CAPZB: variants seen among roughly 807,000 people sequenced by gnomAD.
The protein encoded by CAPZB is capping actin protein of muscle Z-line subunit beta, also known as F-actin-capping protein subunit beta.
CAPZB carries 2 observed loss-of-function variants against 38.1 expected under a neutral mutation model. The observed-to-expected ratio is 0.05, with a 90% CI of 0.02 to 0.17. The LOEUF (loss-of-function observed/expected upper bound fraction) is 0.17. CAPZB is among the 10% of genes least tolerant of loss of function. The pLI, the probability that CAPZB is intolerant of heterozygous loss-of-function variation, is 1.00. For missense variants in CAPZB, 161 were observed against 334.2 expected (o/e 0.48, Z 4.04); for synonymous variants, 107 against 127.4 (o/e 0.84, Z 1.08).
intron 6 of CAPZB, among the ~76,000 whole-genome samples, chr1:19,345,805 G>C (rs1361488219): frequency 1.3e-5 from 2 of 152,268 alleles, no homozygotes; most frequent in Non-Finnish European, 2.9e-5. Context: ...GCTCACCCTA[G>C]TCATGCAGGT....
intron 1 of CAPZB, among the ~76,000 whole-genome samples, chr1:19,421,473 G>A (rs1314478271): frequency 6.6e-6 from 1 of 152,216 alleles, no homozygotes; most frequent in African/African-American, 2.4e-5. Flanking sequence ...ACAACGAACT[G>A]GCTCCCCTGC....
rs758378009 is a variant in CAPZB at position 19,356,786 on chromosome 1, G to C, written c.472-35C>G. On this transcript the variant is annotated intron_variant, in intron 5 of 8. Transcript: ENST00000264202. The surrounding 1 kb of genome is among the most constrained non-coding windows in gnomAD (Gnocchi z 4.3). Reference sequence around the variant, plus strand: ...CAAGACAGAGATCTGTTGAGCTGAGGGAGAGCCTGAAGTGGCCCCTGGAAT... The same window carrying C: ...CAAGACAGAGATCTGTTGAGCTGAGCGAGAGCCTGAAGTGGCCCCTGGAAT... 2.0e-6 allele frequency: 3 copies of C among 1,485,052 alleles called. No homozygotes were observed. The highest frequency in any genetic ancestry group is 1.7e-5 in the Admixed American group (1 of 59,372). 92.0% of individuals were successfully genotyped at this position (1,485,052 alleles called of 1,614,324 possible).
chr1:19,347,375 G>T (rs2093967632), intron 6 of CAPZB, among the ~76,000 whole-genome samples: 1 of 152,116 alleles, frequency 6.6e-6, no homozygotes, highest in Non-Finnish European at 1.5e-5. Context: ...CTTAAATAGG[G>T]TCGCATCCTT....
intron 1 of CAPZB, among the ~76,000 whole-genome samples, chr1:19,434,890 G>A (rs1214104727): frequency 6.6e-6 from 1 of 151,804 alleles, no homozygotes; most frequent in East Asian, 1.9e-4. Context: ...CTGCACTCCA[G>A]CCTGGGGGAC....
chr1:19,372,524 G>A (rs1237712541), intron 4 of CAPZB, among the ~76,000 whole-genome samples: 4 of 152,334 alleles, frequency 2.6e-5, no homozygotes, highest in African/African-American at 9.6e-5. Flanking sequence ...TAATCTTGGG[G>A]TTCATGGCAG....
At chr1:19,443,073 C>G (rs2094483726) in intron 1 of CAPZB, among the ~76,000 whole-genome samples, 1 of 152,072 alleles carries the variant, frequency 6.6e-6, no homozygotes, top group Non-Finnish European at 1.5e-5. Flanking sequence ...ACCTTTCTTA[C>G]TTTTATAACA....
chr1:19,480,470 G>A (rs1165336376), intron 1 of CAPZB, among the ~76,000 whole-genome samples: 1 of 152,198 alleles, frequency 6.6e-6, no homozygotes, highest in Non-Finnish European at 1.5e-5. Flanking sequence ...CTGTGGAGCA[G>A]GCAGCCGCCT....
intron 1 of CAPZB, among the ~76,000 whole-genome samples, chr1:19,435,464 T>C (rs1281103067): frequency 7.2e-5 from 11 of 152,190 alleles, no homozygotes; most frequent in Non-Finnish European, 7.3e-5. Flanking sequence ...CACCACCACC[T>C]AAAGCAGGCT....
intron 1 of CAPZB, among the ~76,000 whole-genome samples, chr1:19,446,654 C>A (rs1297672595): frequency 6.6e-6 from 1 of 152,106 alleles, no homozygotes; most frequent in Non-Finnish European, 1.5e-5. Flanking sequence ...TCTCCCCCAA[C>A]AACAGGGAAG....
intron 1 of CAPZB, among the ~76,000 whole-genome samples, chr1:19,431,180 T>C (rs1312889223): frequency 1.3e-5 from 2 of 152,064 alleles, no homozygotes; most frequent in East Asian, 1.9e-4. Context: ...CTTATACAGG[T>C]TGAACAGCCC....
At chr1:19,415,622 A>G (rs2094375515) in intron 2 of CAPZB, among the ~76,000 whole-genome samples, 1 of 152,292 alleles carries the variant, frequency 6.6e-6, no homozygotes, top group South Asian at 2.1e-4. Flanking sequence ...AAGCCAGCGC[A>G]CTGCCCCTTA....
intron 4 of CAPZB, among the ~76,000 whole-genome samples, chr1:19,360,597 C>G (rs547203357): frequency 6.6e-6 from 1 of 152,238 alleles, no homozygotes; most frequent in African/African-American, 2.4e-5. Context: ...CGACACCCTC[C>G]GGTGACCAGT....
At chr1:19,382,821 G>A (rs1015135616) in intron 3 of CAPZB, among the ~76,000 whole-genome samples, 1 of 152,182 alleles carries the variant, frequency 6.6e-6, no homozygotes, top group African/African-American at 2.4e-5. Context: ...ATATAATAAT[G>A]ATGTTGATTA....
intron 2 of CAPZB, among the ~76,000 whole-genome samples, chr1:19,405,806 G>T (rs931227950): frequency 6.6e-6 from 1 of 152,144 alleles, no homozygotes; most frequent in Non-Finnish European, 1.5e-5. Context: ...CAGCACTCCC[G>T]CCGCCACCAT....
Position 19,356,805 on chromosome 1 carries a change from C to G in CAPZB, c.472-54G>C. 1 of 1,207,068 alleles carries G rather than the reference C, an allele frequency of 8.3e-7. No individual in the cohort carries two copies. The highest frequency in any genetic ancestry group is 1.2e-6 in the Non-Finnish European group (1 of 817,164). The allele number at this position is 1,207,068 out of a possible 1,614,324, so 74.8% of individuals were successfully genotyped here. ...GCTGAGGGAGAGCCTGAAGTGGCCC[C>G]TGGAATTCAGGGTCATCCTAACATC... On this transcript the variant is annotated intron_variant, in intron 5 of 8. Coordinates refer to ENST00000264202, the MANE Select transcript of CAPZB (RefSeq NM_004930.5). The surrounding 1 kb of genome is among the most constrained non-coding windows in gnomAD (Gnocchi z 4.3).
chr1:19,362,756 G>C (rs956881228), intron 4 of CAPZB, among the ~76,000 whole-genome samples: 4 of 152,194 alleles, frequency 2.6e-5, no homozygotes, highest in African/African-American at 9.6e-5. Context: ...GGCAGCACAG[G>C]GCTGAAATCA....
chr1:19,465,979 C>T (rs2094567751), intron 1 of CAPZB, among the ~76,000 whole-genome samples: 1 of 151,876 alleles, frequency 6.6e-6, no homozygotes, highest in Admixed American at 6.6e-5. Flanking sequence ...AGGAACCAGT[C>T]CCAGAGAGTT....
chr1:19,394,600 A>G (rs1490491265), intron 2 of CAPZB, among the ~76,000 whole-genome samples: 2 of 152,096 alleles, frequency 1.3e-5, no homozygotes, highest in East Asian at 3.9e-4. Flanking sequence ...GCAGGCCTGT[A>G]ATCAGCTACT....
chr1:19,484,564 C>T (rs890121654), intron 1 of CAPZB: 1 of 1,260,674 alleles, frequency 7.9e-7, no homozygotes, highest in South Asian at 1.5e-5. Flanking sequence ...TCCCTAGAAG[C>T]GGCAACTGAG....
Sources: allele counts gnomAD v4.1 joint callset (sites outside exome capture counted in the v4.1 genomes callset), GRCh38; gene constraint gnomAD v4.1.1; non-coding constraint Gnocchi (gnomAD v3.1); transcripts MANE v1.5; gene names NCBI Gene and HGNC (gene_info 2026-07-23, HGNC 2026-07-21).